TOX: variants seen among roughly 807,000 people sequenced by gnomAD.
The protein encoded by TOX is thymocyte selection-associated high mobility group box protein TOX.
A neutral mutation model predicts 53.7 loss-of-function variants in TOX; 11 were observed. The ratio of observed to expected loss-of-function variants is 0.20; its 90% CI spans 0.13 to 0.34. TOX has a LOEUF of 0.34. Among genes scored for constraint, TOX ranks in the 10% least tolerant of loss-of-function variants. TOX has a pLI of 1.00. For synonymous variants in TOX, 225 were observed against 245.3 expected, an observed-to-expected ratio of 0.92 and a Z score of 0.77; for missense variants, 570 against 664.6, an observed-to-expected ratio of 0.86 and a Z score of 1.56.
chr8:58,890,229 C>T (rs1348576952), intron 3 of TOX, among the ~76,000 whole-genome samples: 2 of 150,240 alleles, frequency 1.3e-5, no homozygotes, highest in Non-Finnish European at 1.5e-5. Context: ...AAGAGGAATC[C>T]AATGTAGTTA....
At chr8:58,942,103 C>T (rs1326555377) in intron 2 of TOX, among the ~76,000 whole-genome samples, 2 of 150,404 alleles carry the variant, frequency 1.3e-5, no homozygotes, top group Non-Finnish European at 3.0e-5. Flanking sequence ...CTGAATAAGG[C>T]ACAACTAATG....
At chr8:58,892,806 T>C (rs1331903188) in intron 3 of TOX, among the ~76,000 whole-genome samples, 3 of 152,200 alleles carry the variant, frequency 2.0e-5, no homozygotes, top group Admixed American at 1.3e-4. Context: ...CTGTACGACC[T>C]TGGGCAAGTC....
intron 1 of TOX, among the ~76,000 whole-genome samples, chr8:59,042,634 T>C (rs2129420819): frequency 6.6e-6 from 1 of 152,324 alleles, no homozygotes; most frequent in Admixed American, 6.5e-5. Context: ...TTTAGTTCCA[T>C]GTTTCTAGAT....
rs900367595 is a variant in TOX at position 58,837,995 on chromosome 8, A to C, written c.924+86T>G. Reference sequence around the variant, plus strand: ...TCAGCGTCTGTTCTGGGATCTAAAGAATTTACCCCAAGCCCTGGGAGGCCA... The same window carrying C: ...TCAGCGTCTGTTCTGGGATCTAAAGCATTTACCCCAAGCCCTGGGAGGCCA... On this transcript the variant is annotated intron_variant, in intron 5 of 8. Transcript: ENST00000361421. The C allele has an allele frequency of 2.3e-6, 3 of 1,299,610 alleles. No individual in the cohort carries two copies. The African/African-American group carries it at 4.4e-5, about 19-fold the overall frequency. 80.5% of individuals were successfully genotyped at this position (1,299,610 alleles called of 1,614,324 possible).
intron 1 of TOX, among the ~76,000 whole-genome samples, chr8:59,026,592 C>T (rs1384849342): frequency 3.3e-5 from 5 of 152,130 alleles, no homozygotes; most frequent in Non-Finnish European, 7.4e-5. Flanking sequence ...GATCTAGAAT[C>T]CACTATTATT....
intron 3 of TOX, among the ~76,000 whole-genome samples, chr8:58,887,573 T>C (rs777236145): frequency 5.9e-5 from 9 of 152,016 alleles, no homozygotes; most frequent in Non-Finnish European, 1.0e-4. Context: ...TATGAGTCCA[T>C]TAATTCTCTA....
chr8:59,015,633 G>C (rs1813994214), intron 1 of TOX, among the ~76,000 whole-genome samples: 1 of 152,080 alleles, frequency 6.6e-6, no homozygotes, highest in Non-Finnish European at 1.5e-5. Flanking sequence ...AAAAGACATA[G>C]ATAAAAAAGA....
intron 1 of TOX, among the ~76,000 whole-genome samples, chr8:58,960,572 A>C (rs1812782274): frequency 6.6e-6 from 1 of 152,232 alleles, no homozygotes; most frequent in African/African-American, 2.4e-5. Flanking sequence ...CATGGCTAAG[A>C]ATGATAATAA....
chr8:58,824,925 T>A (rs1023386973), intron 6 of TOX, among the ~76,000 whole-genome samples: 3 of 152,170 alleles, frequency 2.0e-5, no homozygotes, highest in African/African-American at 7.2e-5. Context: ...GAGTTACAAT[T>A]ATGGAATATA....
chr8:59,085,501 G>T (rs1334203459), intron 1 of TOX, among the ~76,000 whole-genome samples: 1 of 151,982 alleles, frequency 6.6e-6, no homozygotes. Flanking sequence ...TGATCCTCCT[G>T]CCTCAGCCTC....
chr8:59,050,930 T>A (rs1350671160), intron 1 of TOX, among the ~76,000 whole-genome samples: 1 of 152,170 alleles, frequency 6.6e-6, no homozygotes, highest in Non-Finnish European at 1.5e-5. Context: ...CAATTATTCA[T>A]CATCTAACAT....
chr8:58,813,950 T>C (rs943848060), intron 7 of TOX, among the ~76,000 whole-genome samples: 1 of 152,156 alleles, frequency 6.6e-6, no homozygotes, highest in Admixed American at 6.5e-5. Context: ...GCCTCTGAGT[T>C]TTGAACAGAC....
At chr8:58,898,538 C>CA (rs1320093502) in intron 3 of TOX, among the ~76,000 whole-genome samples, 2 of 152,078 alleles carry the variant, frequency 1.3e-5, no homozygotes, top group Admixed American at 6.6e-5. Context: ...AGCATCATGC[C>CA]AAAAAGCTTC....
chr8:58,827,503 G>C (rs1343710486), intron 5 of TOX, among the ~76,000 whole-genome samples: 1 of 152,150 alleles, frequency 6.6e-6, no homozygotes, highest in Non-Finnish European at 1.5e-5. Flanking sequence ...AGCCCAAGTG[G>C]CTGTGGATTG....
In TOX at chr8:58,815,709, C is replaced by T; in HGVS notation, c.1021G>A (p.Val341Ile). 1 of 1,611,640 alleles carries T rather than the reference C, an allele frequency of 6.2e-7. No homozygotes were observed. The highest frequency in any genetic ancestry group is 8.5e-7 in the Non-Finnish European group (1 of 1,178,710). Residue 341 changes from valine to isoleucine, a missense_variant, in exon 7 of 9, where the codon GTT (valine) becomes ATT (isoleucine). By Grantham distance (29) the Val-to-Ile change is conservative. Around this residue, in one of 3 missense-constraint regions of TOX, gnomAD observed 239 missense variants for 250.7 expected, o/e 0.95. Transcript: ENST00000361421. ...GGAGGTTGAGATGTCTTCACGTCAA[C>T]AGGTTCACTGTAGCTCTGTTGAGGA... ...SLVSKSYSEP[V>I]DVKTSQPPQL...
intron 6 of TOX, among the ~76,000 whole-genome samples, chr8:58,821,527 G>A (rs754808946): frequency 5.9e-5 from 9 of 152,016 alleles, no homozygotes; most frequent in Non-Finnish European, 1.3e-4. Flanking sequence ...TAGGTCCAAT[G>A]TTGTACAGCA....
chr8:58,976,936 G>A (rs1361438790), intron 1 of TOX, among the ~76,000 whole-genome samples: 1 of 152,184 alleles, frequency 6.6e-6, no homozygotes, highest in African/African-American at 2.4e-5. Context: ...AGTAGACTGA[G>A]CACAGTTCTT....
At chr8:59,109,335 C>T (rs938320236) in intron 1 of TOX, among the ~76,000 whole-genome samples, 8 of 152,142 alleles carry the variant, frequency 5.3e-5, no homozygotes, top group African/African-American at 1.4e-4. Flanking sequence ...ATATTAATCT[C>T]TTCTACGACC....
intron 4 of TOX, among the ~76,000 whole-genome samples, chr8:58,841,223 A>G (rs1281534555): frequency 6.6e-6 from 1 of 152,178 alleles, no homozygotes; most frequent in Non-Finnish European, 1.5e-5. Flanking sequence ...TTAGCTCTGT[A>G]TATTTCCATT....
Sources: gnomAD v4.1 joint callset for allele counts (sites outside exome capture counted in the v4.1 genomes callset) on GRCh38, gnomAD v4.1.1 for gene constraint, gnomAD v4.1.1 regional missense constraint, MANE v1.5 for transcripts, NCBI Gene and HGNC (gene_info 2026-07-23, HGNC 2026-07-21) for gene names.